HCN1: variants seen among roughly 807,000 people sequenced by gnomAD.
HCN1 encodes potassium/sodium hyperpolarization-activated cyclic nucleotide-gated channel 1.
A neutral mutation model predicts 78.9 loss-of-function variants in HCN1; 13 were observed. That is an observed-to-expected ratio of 0.16 (90% CI 0.11 to 0.26). The LOEUF is 0.26. HCN1 is among the 10% of genes least tolerant of loss of function. The pLI, the probability that HCN1 is intolerant of heterozygous loss-of-function variation, is 1.00. For missense variants in HCN1, 810 were observed against 1,154.3 expected, an observed-to-expected ratio of 0.70 and a Z score of 4.32; for synonymous variants, 552 against 455.5, an observed-to-expected ratio of 1.21 and a Z score of -2.70.
intron 2 of HCN1, among the ~76,000 whole-genome samples, chr5:45,472,588 G>A (rs1469295852): frequency 1.6e-5 from 2 of 122,888 alleles, no homozygotes; most frequent in Non-Finnish European, 3.3e-5. Context: ...AGGAAGGAAG[G>A]AAGGAAGGAG....
At chr5:45,262,907 C>G in intron 7 of HCN1, 97 bp from the exon 8 acceptor site, 2 of 1,349,452 alleles carry the variant, frequency 1.5e-6, no homozygotes, top group Non-Finnish European at 2.1e-6. Flanking sequence ...TATAGCTGTG[C>G]TTCACAGGAG....
At chr5:45,298,515 C>T (rs925168484) in intron 6 of HCN1, among the ~76,000 whole-genome samples, 5 of 151,874 alleles carry the variant, frequency 3.3e-5, no homozygotes, top group South Asian at 4.2e-4. Context: ...GACAGAGGGG[C>T]TAATTGGAAG....
At chr5:45,473,382 C>G (rs2111656377) in intron 2 of HCN1, among the ~76,000 whole-genome samples, 1 of 151,910 alleles carries the variant, frequency 6.6e-6, no homozygotes, top group African/African-American at 2.4e-5. Context: ...CCAGATTTTC[C>G]AAAATCTATC....
At chr5:45,448,727 A>G (rs1740848122) in intron 3 of HCN1, among the ~76,000 whole-genome samples, 1 of 152,214 alleles carries the variant, frequency 6.6e-6, no homozygotes, top group Non-Finnish European at 1.5e-5. Flanking sequence ...TGACAGGAAT[A>G]TATACCAATA....
intron 1 of HCN1, among the ~76,000 whole-genome samples, chr5:45,691,133 A>G (rs766652286): frequency 5.0e-4 from 76 of 152,122 alleles, no homozygotes; most frequent in Non-Finnish European, 8.1e-4. Context: ...ATAGTTGAAT[A>G]TAATTTTCTT....
At chr5:45,688,417 T>C (rs1443651493) in intron 1 of HCN1, among the ~76,000 whole-genome samples, 6 of 152,144 alleles carry the variant, frequency 3.9e-5, no homozygotes, top group Non-Finnish European at 7.4e-5. Context: ...ATCTGTGTAT[T>C]GGGCAGGGAA....
intron 6 of HCN1, among the ~76,000 whole-genome samples, chr5:45,291,675 T>C (rs772312395): frequency 6.6e-6 from 1 of 151,874 alleles, no homozygotes; most frequent in Admixed American, 6.6e-5. Flanking sequence ...CAAGTAGTTG[T>C]ATGTGCTACC....
chr5:45,600,741 A>C (rs1744605159), intron 2 of HCN1, among the ~76,000 whole-genome samples: 1 of 152,166 alleles, frequency 6.6e-6, no homozygotes, highest in Admixed American at 6.6e-5. Context: ...ATTTAAGAAA[A>C]AGGCATACAT....
intron 2 of HCN1, among the ~76,000 whole-genome samples, chr5:45,531,663 A>T (rs1742853324): frequency 6.6e-6 from 1 of 151,824 alleles, no homozygotes; most frequent in African/African-American, 2.4e-5. Flanking sequence ...TGTCATTCTG[A>T]TTTTTTTGCC....
At chr5:45,302,093 T>A (rs1463149398) in intron 6 of HCN1, among the ~76,000 whole-genome samples, 1 of 152,022 alleles carries the variant, frequency 6.6e-6, no homozygotes, top group South Asian at 2.1e-4. Context: ...GAAATACAAA[T>A]AATTAGGGTA....
rs141523895 is a variant in HCN1 at position 45,426,115 on chromosome 5, A to G, written c.1012-29405T>C. On this transcript the variant is annotated intron_variant, in intron 3 of 7. Transcript: ENST00000303230. The stretch of plus-strand genomic sequence containing the variant: ...TTCATCTTTCTCTGTAGTTAATTCC[A>G]TTTAACTGTTTGAATAGGCAAAAAT... Among the ~76,000 whole-genome samples, 51 of 152,260 alleles carry G rather than the reference A, an allele frequency of 3.3e-4. 1 individual carries two copies. In the East Asian group the frequency reaches 7.7e-3, roughly 23 times the overall value.
intron 2 of HCN1, among the ~76,000 whole-genome samples, chr5:45,563,560 A>G (rs1170036432): frequency 6.6e-6 from 1 of 152,156 alleles, no homozygotes; most frequent in Admixed American, 6.6e-5. Context: ...ATTTACAAGT[A>G]TAAGACTTAC....
chr5:45,466,950 G>A (rs1741281935), intron 2 of HCN1, among the ~76,000 whole-genome samples: 1 of 151,966 alleles, frequency 6.6e-6, no homozygotes, highest in African/African-American at 2.4e-5. Flanking sequence ...CATTCAGAAG[G>A]TCAACCATCT....
chr5:45,675,934 A>G (rs780727951), intron 1 of HCN1, among the ~76,000 whole-genome samples: 5 of 151,758 alleles, frequency 3.3e-5, no homozygotes, highest in Non-Finnish European at 7.4e-5. Context: ...AAGGTTGGTG[A>G]GCAAACCAAG....
At chr5:45,482,812 T>C (rs758349725) in intron 2 of HCN1, among the ~76,000 whole-genome samples, 3 of 152,186 alleles carry the variant, frequency 2.0e-5, no homozygotes, top group African/African-American at 4.8e-5. Context: ...TTTATGTTCA[T>C]GTGTGCTCAA....
chr5:45,649,808 T>C (rs1745642838), intron 1 of HCN1, among the ~76,000 whole-genome samples: 1 of 152,124 alleles, frequency 6.6e-6, no homozygotes, highest in African/African-American at 2.4e-5. Context: ...ACATACACTT[T>C]AATGGGGGAT....
Position 45,587,370 on chromosome 5 carries a change from C to CA in HCN1, c.849+57814dup, listed in dbSNP as rs529677679. On this transcript the variant is annotated intron_variant, in intron 2 of 7. Coordinates refer to ENST00000303230, the MANE Select transcript of HCN1 (RefSeq NM_021072.4). Reference sequence around the variant, plus strand: ...TACACCATGGAATACTATGCAGCCACAAAAAAGGATGAGTTCTTGTCCTTT... The same window carrying CA: ...TACACCATGGAATACTATGCAGCCACAAAAAAAGGATGAGTTCTTGTCCTTT... Among the ~76,000 whole-genome samples the CA allele has an allele frequency of 4.9e-4, 75 of 152,032 alleles. 1 individual carries two copies. In the East Asian group the frequency reaches 0.014, roughly 28 times the overall value.
At chr5:45,596,574 T>C (rs1248435411) in intron 2 of HCN1, among the ~76,000 whole-genome samples, 2 of 152,154 alleles carry the variant, frequency 1.3e-5, no homozygotes, top group Non-Finnish European at 2.9e-5. Context: ...CCAGCTGTTA[T>C]TGTATTGGAA....
At chr5:45,464,915 A>G (rs951933632) in intron 2 of HCN1, among the ~76,000 whole-genome samples, 2 of 152,220 alleles carry the variant, frequency 1.3e-5, no homozygotes, top group South Asian at 2.1e-4. Context: ...GATCTAATTT[A>G]TGCACAGCCA....
Sources: gnomAD v4.1 joint callset for allele counts (sites outside exome capture counted in the v4.1 genomes callset) on GRCh38, gnomAD v4.1.1 for gene constraint, MANE v1.5 for transcripts, NCBI Gene and HGNC (gene_info 2026-07-23, HGNC 2026-07-21) for gene names.